Variants in SDK1 observed in about 807,000 individuals in gnomAD.
SDK1 encodes the protein sidekick cell adhesion molecule 1.
In SDK1, 157 loss-of-function variants were observed where a neutral mutation model predicts 245.5. That is an observed-to-expected ratio of 0.64 (90% CI 0.56 to 0.73). The LOEUF (loss-of-function observed/expected upper bound fraction) is 0.73, where lower values mean the gene tolerates loss of function less well. Among genes scored for constraint, SDK1 ranks in the 30% least tolerant of loss-of-function variants. SDK1 has a pLI of 0.00. For synonymous variants in SDK1, 1,647 were observed against 1,278.5 expected (o/e 1.29, Z -6.15); for missense variants, 3,583 against 3,002.3 (o/e 1.19, Z -4.52).
chr7:3,938,594 C>T (rs1241879267), intron 5 of SDK1, among the ~76,000 whole-genome samples: 3 of 148,436 alleles, frequency 2.0e-5, no homozygotes, highest in African/African-American at 7.7e-5. Flanking sequence ...TGCAGTGAGC[C>T]AAGATCGCGA....
chr7:3,765,349 C>T (rs1272988426), intron 4 of SDK1, among the ~76,000 whole-genome samples: 1 of 152,106 alleles, frequency 6.6e-6, no homozygotes, highest in Admixed American at 6.5e-5. Flanking sequence ...TAGGGAAATA[C>T]AGTATTTGCA....
intron 20 of SDK1, among the ~76,000 whole-genome samples, chr7:4,068,294 A>C (rs1246596797): frequency 6.6e-6 from 1 of 152,206 alleles, no homozygotes; most frequent in Non-Finnish European, 1.5e-5. Flanking sequence ...TGGTAAGGTC[A>C]ATATCGATAT....
At chr7:3,651,650 A>C (rs1783017721) in intron 4 of SDK1, among the ~76,000 whole-genome samples, 1 of 152,192 alleles carries the variant, frequency 6.6e-6, no homozygotes, top group African/African-American at 2.4e-5. Flanking sequence ...TCCTAAGATG[A>C]TGACTCTTCA....
In SDK1 at chr7:4,054,087, G is replaced by A. The variant is rs925809983; in HGVS notation, c.2911+2257G>A. 1.0e-3 allele frequency among the ~76,000 whole-genome samples: 158 copies of A among 151,488 alleles called. 2 individuals carry two copies. Among genetic ancestry groups the A allele is most frequent in the African/African-American group, 3.6e-3 (147 of 41,022 alleles). ...TCAAGTAGCTGGTATTACAGGCACC[G>A]GCCACCACGTCTGGCCAATTTTTTT... On this transcript the variant is annotated intron_variant, in intron 19 of 44. Transcript: ENST00000404826.
chr7:4,100,704 C>A (rs1782478509), intron 22 of SDK1, among the ~76,000 whole-genome samples: 1 of 152,142 alleles, frequency 6.6e-6, no homozygotes. Flanking sequence ...GAAATGAACT[C>A]CCATTGCTTG....
chr7:3,714,016 T>A (rs1300123280), intron 4 of SDK1, among the ~76,000 whole-genome samples: 1 of 152,144 alleles, frequency 6.6e-6, no homozygotes, highest in Non-Finnish European at 1.5e-5. Context: ...CATCGAAATA[T>A]CAGATGAGAA....
intron 1 of SDK1, among the ~76,000 whole-genome samples, chr7:3,309,633 AT>A (rs151128946): frequency 0.026 from 3,678 of 144,102 alleles, 154 homozygotes; most frequent in African/African-American, 0.089. Flanking sequence ...TTTACTTCTG[AT>A]TTTTTTTATT....
At chr7:3,855,673 C>G (rs1343785793) in intron 5 of SDK1, among the ~76,000 whole-genome samples, 6 of 152,104 alleles carry the variant, frequency 3.9e-5, no homozygotes, top group Non-Finnish European at 8.8e-5. Flanking sequence ...CAAAGAAGCC[C>G]TAGGCAATTT....
rs142633739 is a variant in SDK1 at position 4,011,287 on chromosome 7, G to A, written c.2279+174G>A. Among the ~76,000 whole-genome samples, 1,091 of 152,352 alleles carry A rather than the reference G, an allele frequency of 7.2e-3. 9 individuals carry two copies. The highest frequency in any genetic ancestry group is 0.024 in the African/African-American group (986 of 41,588). ...CGCAAAGAGGGAAAGACAGGCCCAC[G>A]CAGACTTAGCTGGGCCTTCCTTCAT... On this transcript the variant is annotated intron_variant, in intron 15 of 44. Transcript: ENST00000404826.
At chr7:3,843,710 C>T (rs913382846) in intron 5 of SDK1, among the ~76,000 whole-genome samples, 14 of 152,284 alleles carry the variant, frequency 9.2e-5, no homozygotes, top group Admixed American at 2.0e-4. Context: ...ATAGGAAACT[C>T]GCCTGACGAT....
chr7:3,988,494 C>T (rs1253564164), intron 14 of SDK1, among the ~76,000 whole-genome samples: 1 of 152,138 alleles, frequency 6.6e-6, no homozygotes, highest in Non-Finnish European at 1.5e-5. Context: ...TGCAGGGGTT[C>T]CTGCTGCGTG....
chr7:3,993,069 C>T (rs1232496147), intron 14 of SDK1, among the ~76,000 whole-genome samples: 1 of 152,182 alleles, frequency 6.6e-6, no homozygotes, highest in African/African-American at 2.4e-5. Flanking sequence ...ATCTTTGATA[C>T]ATGTTGATTC....
At chr7:4,265,061 C>T (rs920699908) in intron 44 of SDK1, 63 bp from the exon 45 acceptor site, 1 of 1,496,842 alleles carries the variant, frequency 6.7e-7, no homozygotes, top group Admixed American at 1.9e-5. Context: ...AGGCCTCCTG[C>T]CCAGCACGCT....
At chr7:4,068,340 G>A (rs970957229) in intron 20 of SDK1, among the ~76,000 whole-genome samples, 4 of 152,208 alleles carry the variant, frequency 2.6e-5, no homozygotes, top group Admixed American at 2.0e-4. Flanking sequence ...CTGAGGCCCC[G>A]AGAGGGTGGG....
chr7:4,003,798 CTCAG>C (rs1785252474), intron 14 of SDK1, among the ~76,000 whole-genome samples: 1 of 152,234 alleles, frequency 6.6e-6, no homozygotes, highest in Non-Finnish European at 1.5e-5. Context: ...CCTGCTTATA[CTCAG>C]TGTCTAGAGA....
At chr7:3,542,151 T>C (rs879531886) in intron 1 of SDK1, among the ~76,000 whole-genome samples, 1 of 152,206 alleles carries the variant, frequency 6.6e-6, no homozygotes, top group Non-Finnish European at 1.5e-5. Flanking sequence ...ACTGTAGAAT[T>C]TTAATTCCCA....
chr7:3,621,113 G>A lies in SDK1; in HGVS notation c.458+1874G>A, dbSNP rs539090198. Among the ~76,000 whole-genome samples, 61 of 152,268 alleles carry A rather than the reference G, an allele frequency of 4.0e-4. No homozygotes were observed. The South Asian group carries it at 0.011, about 27-fold the overall frequency. On this transcript the variant is annotated intron_variant, in intron 2 of 44. Coordinates refer to ENST00000404826, the MANE Select transcript of SDK1 (RefSeq NM_152744.4). ...AAGATCCCTCCTCATTTGCAGTGTT[G>A]TGAGCATTGAAGGCTCTAGTGATCG...
chr7:4,178,502 C>A lies in SDK1; in HGVS notation c.5014C>A (p.Arg1672Ser), dbSNP rs777981406. The A allele has an allele frequency of 6.2e-7, 1 of 1,613,234 alleles. No homozygotes were observed. The highest frequency in any genetic ancestry group is 8.5e-7 in the Non-Finnish European group (1 of 1,179,264). The part of the protein sequence containing the change: ...CELTHLKKYR[R>S]YEVIMTAYNI... ...CCCTGCAGATTTAAAGAAGTACCGG[C>A]GCTATGAAGTAATAATGACCGCCTA... Residue 1672 changes from arginine (R) to serine (S), a missense_variant, in exon 35 of 45, where the codon CGC becomes AGC. Coordinates refer to ENST00000404826, the MANE Select transcript of SDK1 (RefSeq NM_152744.4).
intron 4 of SDK1, among the ~76,000 whole-genome samples, chr7:3,732,081 C>T (rs1218987331): frequency 6.6e-6 from 1 of 152,206 alleles, no homozygotes; most frequent in Non-Finnish European, 1.5e-5. Context: ...TGAGCCACCA[C>T]ACCCAGCAGT....
Sources: allele counts gnomAD v4.1 joint callset (sites outside exome capture counted in the v4.1 genomes callset), GRCh38; gene constraint gnomAD v4.1.1; transcripts MANE v1.5; gene names NCBI Gene and HGNC (gene_info 2026-07-23, HGNC 2026-07-21).